The following HTR2C variants were observed in gnomAD, a reference collection of about 807,000 sequenced individuals.
HTR2C encodes 5-hydroxytryptamine receptor 2C, also known as 5-hydroxytryptamine (serotonin) receptor 2C, G protein-coupled.
HTR2C carries 5 observed loss-of-function variants against 21.0 expected under a neutral mutation model. The observed-to-expected ratio is 0.24, with a 90% CI of 0.12 to 0.50. The LOEUF is 0.50. HTR2C is among the 20% of genes least tolerant of loss of function. The pLI is 0.98. For synonymous variants in HTR2C, 150 were observed against 145.3 expected, an observed-to-expected ratio of 1.03 and a Z score of -0.23; for missense variants, 271 against 371.2, an observed-to-expected ratio of 0.73 and a Z score of 2.22.
At chrX:114,648,282 C>T (rs1379938129) in intron 2 of HTR2C, among the ~76,000 whole-genome samples, 1 of 111,318 alleles carries the variant, frequency 9.0e-6, no homozygotes, top group Non-Finnish European at 1.9e-5. Context: ...TTATGACTTG[C>T]TTCAGAGGAG....
intron 1 of HTR2C, among the ~76,000 whole-genome samples, chrX:114,609,868 A>C (rs1056403367): frequency 8.9e-6 from 1 of 112,125 alleles, no homozygotes; most frequent in Non-Finnish European, 1.9e-5. Context: ...GATAGAAGTC[A>C]AAAAGTAGTT....
intron 5 of HTR2C, among the ~76,000 whole-genome samples, chrX:114,889,879 G>A (rs2071246298): frequency 1.8e-5 from 2 of 111,565 alleles, no homozygotes; most frequent in African/African-American, 6.5e-5. Context: ...GGAGAGCACG[G>A]GATGGGAAAG....
intron 2 of HTR2C, among the ~76,000 whole-genome samples, chrX:114,632,927 A>T (rs1276846928): frequency 1.8e-5 from 2 of 111,366 alleles, no homozygotes; most frequent in Non-Finnish European, 3.8e-5. Context: ...TAGTTTTATT[A>T]TTTTCTCTTT....
intron 2 of HTR2C, among the ~76,000 whole-genome samples, chrX:114,637,941 A>G (rs782746246): frequency 9.0e-6 from 1 of 111,603 alleles, no homozygotes; most frequent in Middle Eastern, 4.2e-3. Flanking sequence ...GACCTACAAG[A>G]TGGTGGGTAT....
rs201007199 is a variant in HTR2C, at chrX:114,907,240, T to C, written c.1202T>C (p.Val401Ala). Residue 401 changes from valine to alanine, a missense_variant, in exon 6 of 6, where the codon GTT becomes GCT. Physicochemically the swap from Val to Ala is moderately conservative, Grantham distance 64. Around this residue, in one of 5 missense-constraint regions of HTR2C, gnomAD observed 192 missense variants for 247.2 expected, o/e 0.78. Coordinates refer to ENST00000276198, the MANE Select transcript of HTR2C (RefSeq NM_000868.4). Reference protein sequence around the residue: ...KKPPVRQIPRVAATALSGREL... With the variant: ...KKPPVRQIPRAAATALSGREL... ...CCTCCTGTCAGGCAGATTCCAAGAG[T>C]TGCCGCCACTGCTTTGTCTGGGAGG... 24 of 1,209,387 alleles carry C rather than the reference T, an allele frequency of 2.0e-5. No homozygotes were observed. The highest frequency in any genetic ancestry group is 2.3e-5 in the Non-Finnish European group (21 of 895,078).
At chrX:114,711,899 A>C (rs1932897356) in intron 2 of HTR2C, among the ~76,000 whole-genome samples, 1 of 112,054 alleles carries the variant, frequency 8.9e-6, no homozygotes, top group Non-Finnish European at 1.9e-5. Context: ...ATAGGGTCCT[A>C]TAACTTTAAC....
In HTR2C at chrX:114,906,756, G is replaced by C. The variant is rs782747846; in HGVS notation, c.718G>C (p.Val240Leu). 8.3e-7 allele frequency: 1 copy of C among 1,211,073 alleles called. No homozygotes were observed. Reference protein sequence around the residue: ...MVITYCLTIYVLRRQALMLLH... With the variant: ...MVITYCLTIYLLRRQALMLLH... The stretch of plus-strand genomic sequence containing the variant: ...GATTACGTATTGCCTGACCATCTAC[G>C]TTCTGCGCCGACAAGCTTTGATGTT... The change falls in exon 6 of 6, where the codon GTT (valine) becomes CTT (leucine). Residue 240 changes from valine (V) to leucine (L), a missense_variant. Coordinates refer to ENST00000276198, the MANE Select transcript of HTR2C (RefSeq NM_000868.4).
intron 4 of HTR2C, among the ~76,000 whole-genome samples, chrX:114,836,797 GA>G (rs1556464155): frequency 9.0e-6 from 1 of 111,317 alleles, no homozygotes; most frequent in African/African-American, 3.3e-5. Context: ...AAAATTGATT[GA>G]TTTTTTTCAG....
chrX:114,677,770 C>G (rs994862727), intron 2 of HTR2C, among the ~76,000 whole-genome samples: 7 of 111,151 alleles, frequency 6.3e-5, no homozygotes, highest in Non-Finnish European at 1.1e-4. Context: ...AAGCTTCTTG[C>G]AATTGTTTTC....
At chrX:114,774,449 G>A (rs1267116776) in intron 4 of HTR2C, among the ~76,000 whole-genome samples, 1 of 111,322 alleles carries the variant, frequency 9.0e-6, no homozygotes, top group Non-Finnish European at 1.9e-5. Context: ...ACTTTGAAGG[G>A]AAATAGAGAA....
At chrX:114,709,839 T>C (rs782088777) in intron 2 of HTR2C, among the ~76,000 whole-genome samples, 33 of 111,786 alleles carry the variant, frequency 3.0e-4, no homozygotes, top group African/African-American at 1.1e-3. Flanking sequence ...TGTTCAGAAA[T>C]GCATTCCAAA....
intron 4 of HTR2C, among the ~76,000 whole-genome samples, chrX:114,844,051 T>TA (rs1556466521): frequency 9.0e-6 from 1 of 110,622 alleles, no homozygotes; most frequent in African/African-American, 3.3e-5. Flanking sequence ...TATAAAGAAA[T>TA]AAAAAACAAC....
intron 2 of HTR2C, among the ~76,000 whole-genome samples, chrX:114,692,895 A>G (rs1932150553): frequency 9.0e-6 from 1 of 111,566 alleles, no homozygotes; most frequent in African/African-American, 3.3e-5. Context: ...CCTACTATGT[A>G]CAAAGCACTG....
intron 2 of HTR2C, among the ~76,000 whole-genome samples, chrX:114,663,309 G>A (rs782051440): frequency 1.8e-5 from 2 of 110,951 alleles, no homozygotes; most frequent in East Asian, 5.6e-4. Flanking sequence ...GGGATAATAA[G>A]CAGGATGGTA....
chrX:114,772,045 G>C (rs782802350), intron 4 of HTR2C, among the ~76,000 whole-genome samples: 1 of 112,155 alleles, frequency 8.9e-6, no homozygotes, highest in South Asian at 3.7e-4. Flanking sequence ...AAACAACATA[G>C]ATCCCACTGT....
rs1484844094 is a variant in HTR2C at position 114,700,179 on chromosome X, C to G, written c.-79-26679C>G. Reference sequence around the variant, plus strand: ...ATGATGCCTAACTGTAAATAGGGCTCACATACCACTCAAAATCATTATGAA... The same window carrying G: ...ATGATGCCTAACTGTAAATAGGGCTGACATACCACTCAAAATCATTATGAA... On this transcript the variant is annotated intron_variant, in intron 2 of 5. Coordinates refer to ENST00000276198, the MANE Select transcript of HTR2C (RefSeq NM_000868.4). 2.7e-5 allele frequency among the ~76,000 whole-genome samples: 3 copies of G among 111,419 alleles called. No homozygotes were observed. The East Asian group carries it at 8.5e-4, about 31-fold the overall frequency.
chrX:114,785,110 G>A (rs1293894939), intron 4 of HTR2C, among the ~76,000 whole-genome samples: 1 of 112,135 alleles, frequency 8.9e-6, no homozygotes, highest in Non-Finnish European at 1.9e-5. Context: ...CACAGAAAAT[G>A]TTAATGCTTT....
At chrX:114,626,333 G>A (rs782313384) in intron 2 of HTR2C, among the ~76,000 whole-genome samples, 1 of 108,589 alleles carries the variant, frequency 9.2e-6, no homozygotes, top group South Asian at 4.1e-4. Context: ...AGGCTGCAGT[G>A]GGTTGTGATT....
At chrX:114,861,990 A>C (rs1024412866) in intron 5 of HTR2C, among the ~76,000 whole-genome samples, 1 of 110,814 alleles carries the variant, frequency 9.0e-6, no homozygotes, top group Admixed American at 9.6e-5. Flanking sequence ...ATTCGATTTA[A>C]TCCCATTTAT....
Sources: allele counts gnomAD v4.1 joint callset (sites outside exome capture counted in the v4.1 genomes callset), GRCh38; gene constraint gnomAD v4.1.1; regional missense constraint gnomAD v4.1.1; transcripts MANE v1.5; gene names NCBI Gene and HGNC (gene_info 2026-07-23, HGNC 2026-07-21).